TNFRSF11A: variants seen among roughly 807,000 people sequenced by gnomAD.
The protein encoded by TNFRSF11A is tumor necrosis factor receptor superfamily member 11A.
In TNFRSF11A, 32 loss-of-function variants were observed where a neutral mutation model predicts 55.7. The ratio of observed to expected loss-of-function variants is 0.57; its 90% CI spans 0.43 to 0.77. TNFRSF11A has a LOEUF of 0.77. Among genes scored for constraint, TNFRSF11A ranks in the 30% least tolerant of loss-of-function variants. The pLI, the probability that TNFRSF11A is intolerant of heterozygous loss-of-function variation, is 0.00. For missense variants in TNFRSF11A, 753 were observed against 809.8 expected, an observed-to-expected ratio of 0.93 and a Z score of 0.85; for synonymous variants, 311 against 331.0, an observed-to-expected ratio of 0.94 and a Z score of 0.65.
At position 62,384,127 on chromosome 18, in the gene TNFRSF11A, G is replaced by A. The variant is rs560983557; in HGVS notation, c.1568-624G>A. Among the ~76,000 whole-genome samples the A allele has an allele frequency of 1.9e-4, 29 of 152,202 alleles. 1 individual carries two copies. The South Asian group carries it at 5.8e-3, about 30-fold the overall frequency. On this transcript the variant is annotated intron_variant, in intron 9 of 9. Transcript: ENST00000586569. ...CTTTTGTAACATCTGAATCTTGTCT[G>A]TGATTCTGTAATCTTGGTGTGCTCT...
intron 9 of TNFRSF11A, among the ~76,000 whole-genome samples, chr18:62,372,023 T>TAC (rs2145365204): frequency 6.6e-6 from 1 of 152,332 alleles, no homozygotes; most frequent in South Asian, 2.1e-4. Flanking sequence ...ACTGGGGACT[T>TAC]TTCCTTTAGG....
rs1224274759 is a variant in TNFRSF11A, at chr18:62,325,316, C to T, written c.-37C>T. 23 of 982,624 alleles carry T rather than the reference C, an allele frequency of 2.3e-5. No homozygotes were observed. The South Asian group carries it at 4.9e-4, about 21-fold the overall frequency. The allele number at this position is 982,624 out of a possible 1,614,324, so 60.9% of individuals were successfully genotyped here. On this transcript the variant is annotated 5_prime_UTR_variant, in exon 1 of 10. Transcript: ENST00000586569. The surrounding 1 kb of genome is among the most constrained non-coding windows in gnomAD (Gnocchi z 4.7). ...GCCGCGCCCGCTGGGCCACAGAGGC[C>T]GCTGAGGCCGCGGCGCCCGCCAGCC... is the stretch of plus-strand genomic sequence containing the variant.
At chr18:62,366,879 C>A in intron 8 of TNFRSF11A, 119 bp downstream of exon 8, 2 of 1,044,466 alleles carry the variant, frequency 1.9e-6, no homozygotes, top group Non-Finnish European at 3.0e-6. Flanking sequence ...GACGGAGTCT[C>A]GCTCTGTGCC....
chr18:62,377,786 A>C (rs992985803), intron 9 of TNFRSF11A, among the ~76,000 whole-genome samples: 1 of 152,180 alleles, frequency 6.6e-6, no homozygotes, highest in African/African-American at 2.4e-5. Flanking sequence ...TATTTTGGGA[A>C]ATAGTCCTTT....
At chr18:62,373,961 C>T (rs1910726294) in intron 9 of TNFRSF11A, 1 of 152,376 alleles carries the variant, frequency 6.6e-6, no homozygotes, top group African/African-American at 2.4e-5. Context: ...CTCCTTTCTT[C>T]CCCTCCAGCA....
intron 1 of TNFRSF11A, among the ~76,000 whole-genome samples, chr18:62,332,986 C>A (rs1448745455): frequency 6.6e-6 from 1 of 152,056 alleles, no homozygotes; most frequent in Non-Finnish European, 1.5e-5. Flanking sequence ...AGTGGAGAAT[C>A]GGGCAGGGGG....
At chr18:62,334,512 G>T (rs1358461725) in intron 1 of TNFRSF11A, among the ~76,000 whole-genome samples, 3 of 152,176 alleles carry the variant, frequency 2.0e-5, no homozygotes, top group Non-Finnish European at 2.9e-5. Flanking sequence ...GGAGCCCCAG[G>T]GCAGCAGACA....
At chr18:62,345,268 G>A (rs1220051858) in intron 1 of TNFRSF11A, among the ~76,000 whole-genome samples, 1 of 152,090 alleles carries the variant, frequency 6.6e-6, no homozygotes, top group Non-Finnish European at 1.5e-5. Flanking sequence ...AGAGGAAAAG[G>A]GGCAATAAAG....
intron 1 of TNFRSF11A, among the ~76,000 whole-genome samples, chr18:62,326,780 T>C (rs2046082158): frequency 6.6e-6 from 1 of 152,276 alleles, no homozygotes; most frequent in Non-Finnish European, 1.5e-5. Context: ...CCTTTCATTA[T>C]GCATGTTTAA....
chr18:62,381,815 T>C (rs938054317), intron 9 of TNFRSF11A, among the ~76,000 whole-genome samples: 1 of 152,206 alleles, frequency 6.6e-6, no homozygotes, highest in Non-Finnish European at 1.5e-5. Flanking sequence ...TTTTAAAAAA[T>C]TGAATGTCCC....
At chr18:62,329,517 G>C (rs2046120790) in intron 1 of TNFRSF11A, among the ~76,000 whole-genome samples, 1 of 152,234 alleles carries the variant, frequency 6.6e-6, no homozygotes, top group Admixed American at 6.5e-5. Flanking sequence ...TCTAGTTGCA[G>C]TGTGGGGCTT....
chr18:62,370,440 G>A (rs1377076534), intron 9 of TNFRSF11A, among the ~76,000 whole-genome samples: 1 of 152,212 alleles, frequency 6.6e-6, no homozygotes, highest in East Asian at 1.9e-4. Context: ...CCTCTCCAGA[G>A]ATGCTTTTTC....
intron 3 of TNFRSF11A, among the ~76,000 whole-genome samples, chr18:62,350,389 T>G (rs1026595834): frequency 6.6e-6 from 1 of 152,098 alleles, no homozygotes; most frequent in Admixed American, 6.5e-5. Flanking sequence ...GCCTCCCAGG[T>G]TCATGCCATT....
intron 3 of TNFRSF11A, among the ~76,000 whole-genome samples, chr18:62,351,229 C>T (rs1479744101): frequency 6.6e-6 from 1 of 152,094 alleles, no homozygotes; most frequent in East Asian, 1.9e-4. Flanking sequence ...TCTCAAACTC[C>T]TGACCTCAAG....
In TNFRSF11A at chr18:62,391,028, C is replaced by T. The variant is rs1356615886; in HGVS notation, c.*5994C>T. The T allele has an allele frequency of 3.3e-5, 5 of 152,262 alleles. No individual in the cohort carries two copies. Among genetic ancestry groups the T allele is most frequent in the African/African-American group, 1.2e-4 (5 of 41,472 alleles). The allele number at this position is 152,262 out of a possible 1,614,324, so 9.4% of individuals were successfully genotyped here. On this transcript the variant is annotated 3_prime_UTR_variant, in exon 10 of 10. Coordinates refer to ENST00000586569, the MANE Select transcript of TNFRSF11A (RefSeq NM_003839.4). The stretch of plus-strand genomic sequence containing the variant: ...TTTTCAGTCAATCCCTTCCCCACTA[C>T]CCCTAGCCCCTGGCAACCATTATCT...
intron 1 of TNFRSF11A, among the ~76,000 whole-genome samples, chr18:62,343,985 AC>A (rs774255002): frequency 3.7e-4 from 57 of 152,306 alleles, no homozygotes; most frequent in Middle Eastern, 6.8e-3. Flanking sequence ...TCTAAACAAG[AC>A]CTCTAAGAAG....
Position 62,369,447 on chromosome 18 carries a change from G to T in TNFRSF11A, c.1530G>T (p.Gly510=), listed in dbSNP as rs1257461040. ...RLPSSARAGA[G]SGSSPGGQSP... ...CAAGCTCAGCGAGGGCAGGTGCCGG[G>T]TCTGGAAGCTCCCCTGGTGGCCAGT... The change falls in exon 9 of 10, where the codon GGG becomes GGT. Residue 510 remains glycine, a synonymous_variant. Transcript: ENST00000586569. The T allele has an allele frequency of 1.9e-6, 3 of 1,609,726 alleles. No homozygotes were observed. Among genetic ancestry groups the T allele is most frequent in the Non-Finnish European group, 2.5e-6 (3 of 1,180,040 alleles).
intron 7 of TNFRSF11A, 151 bp downstream of exon 7, chr18:62,361,944 A>G: frequency 2.5e-6 from 2 of 790,938 alleles, no homozygotes; most frequent in Non-Finnish European, 4.2e-6. Context: ...TGGCAAAAAG[A>G]AACAAAACTC....
At chr18:62,358,192 C>T (rs1335001974) in intron 4 of TNFRSF11A, 56 bp from the exon 5 acceptor site, 1 of 1,540,338 alleles carries the variant, frequency 6.5e-7, no homozygotes, top group African/African-American at 1.4e-5. Context: ...CTCTAAGTGA[C>T]CTCGTTTGTT....
Sources: allele counts gnomAD v4.1 joint callset (sites outside exome capture counted in the v4.1 genomes callset), GRCh38; gene constraint gnomAD v4.1.1; non-coding constraint Gnocchi (gnomAD v3.1); transcripts MANE v1.5; gene names NCBI Gene and HGNC (gene_info 2026-07-23, HGNC 2026-07-21).